Variants in KCNIP1 observed in about 807,000 individuals in gnomAD.
The protein encoded by KCNIP1 is potassium voltage-gated channel interacting protein 1, also known as A-type potassium channel modulatory protein KCNIP1.
Under a neutral mutation model 33.0 loss-of-function variants are expected in KCNIP1, and 18 were observed. The observed-to-expected ratio is 0.55, with a 90% confidence interval of 0.38 to 0.81. The LOEUF (loss-of-function observed/expected upper bound fraction) is 0.81, where lower values mean the gene tolerates loss of function less well. Ranked by LOEUF, KCNIP1 falls within the 30% of genes least tolerant of loss-of-function variation. The pLI is 0.00. For missense variants in KCNIP1, 238 were observed against 271.6 expected (o/e 0.88, Z 0.87); for synonymous variants, 93 against 98.3 (o/e 0.95, Z 0.32).
At chr5:170,434,491 T>C (rs564861826) in intron 1 of KCNIP1, among the ~76,000 whole-genome samples, 1 of 152,194 alleles carries the variant, frequency 6.6e-6, no homozygotes, top group East Asian at 1.9e-4. Context: ...GAGATCAGGA[T>C]AGGGAATTGT....
At chr5:170,455,303 C>T (rs145563563) in intron 1 of KCNIP1, among the ~76,000 whole-genome samples, 27 of 152,168 alleles carry the variant, frequency 1.8e-4, no homozygotes, top group Admixed American at 9.8e-4. Flanking sequence ...TTCCCCTTCC[C>T]CTTCCCCTTC....
chr5:170,730,626 A>G (rs1764161923), intron 5 of KCNIP1, among the ~76,000 whole-genome samples: 1 of 152,224 alleles, frequency 6.6e-6, no homozygotes, highest in South Asian at 2.1e-4. Context: ...ATGGATAGAG[A>G]CATCTATTTC....
intron 1 of KCNIP1, among the ~76,000 whole-genome samples, chr5:170,467,917 C>CAAA (rs55671124): frequency 0.14 from 5,942 of 41,720 alleles, 265 homozygotes; most frequent in East Asian, 0.29. Context: ...GATTCCATCT[C>CAAA]AAAAAAAAAA....
intron 1 of KCNIP1, among the ~76,000 whole-genome samples, chr5:170,394,849 T>C (rs1754717172): frequency 6.6e-6 from 1 of 152,218 alleles, no homozygotes; most frequent in Non-Finnish European, 1.5e-5. Flanking sequence ...ACATGTGATA[T>C]TTGGTTTTCT....
At chr5:170,476,298 A>C (rs1756856212) in intron 1 of KCNIP1, among the ~76,000 whole-genome samples, 1 of 152,180 alleles carries the variant, frequency 6.6e-6, no homozygotes, top group Non-Finnish European at 1.5e-5. Context: ...AGCAGTTCCA[A>C]ATTTTTAGAT....
intron 1 of KCNIP1, among the ~76,000 whole-genome samples, chr5:170,561,390 C>T (rs563210225): frequency 2.6e-5 from 4 of 152,260 alleles, no homozygotes; most frequent in African/African-American, 7.2e-5. Flanking sequence ...TTTAAGAGCA[C>T]TCCGGAGGGG....
intron 1 of KCNIP1, among the ~76,000 whole-genome samples, chr5:170,563,643 TG>T (rs1281527340): frequency 2.6e-5 from 4 of 151,040 alleles, no homozygotes; most frequent in Admixed American, 6.6e-5. Flanking sequence ...TTTTTTTTTT[TG>T]TTTGTTTGTT....
chr5:170,590,375 G>T (rs1758201922), intron 1 of KCNIP1, among the ~76,000 whole-genome samples: 1 of 152,138 alleles, frequency 6.6e-6, no homozygotes, highest in Non-Finnish European at 1.5e-5. Flanking sequence ...TTAAACTGAT[G>T]GCTGGGAGGC....
intron 1 of KCNIP1, among the ~76,000 whole-genome samples, chr5:170,579,457 G>A (rs1008025224): frequency 2.0e-5 from 3 of 152,098 alleles, no homozygotes; most frequent in East Asian, 1.9e-4. Context: ...CAGAAGAATG[G>A]CCCTGCCCCT....
At chr5:170,602,759 C>T (rs535440714) in intron 1 of KCNIP1, among the ~76,000 whole-genome samples, 1 of 152,150 alleles carries the variant, frequency 6.6e-6, no homozygotes, top group Non-Finnish European at 1.5e-5. Context: ...CTGGCCCTGG[C>T]GGATGGGTCT....
chr5:170,724,835 A>T (rs978760461), intron 5 of KCNIP1, among the ~76,000 whole-genome samples: 1 of 152,244 alleles, frequency 6.6e-6, no homozygotes, highest in African/African-American at 2.4e-5. Flanking sequence ...AAATAAACAC[A>T]GAGATAAATC....
chr5:170,599,959 C>A lies in KCNIP1; in HGVS notation c.61+95326C>A, dbSNP rs1561710370. Among the ~76,000 whole-genome samples, 2 of 152,166 alleles carry A rather than the reference C, an allele frequency of 1.3e-5. 1 individual carries two copies. The highest frequency in any genetic ancestry group is 1.3e-4 in the Admixed American group (2 of 15,278). ...AAAGTGGAGCTTCTTAGCTTGGTGC[C>A]CAAGGTCCTCATCAATCCTAAGATG... On this transcript the variant is annotated intron_variant, in intron 1 of 7. Coordinates refer to ENST00000328939, the MANE Select transcript of KCNIP1 (RefSeq NM_014592.4).
At chr5:170,689,721 GA>G (rs1762657268) in intron 1 of KCNIP1, among the ~76,000 whole-genome samples, 1 of 152,166 alleles carries the variant, frequency 6.6e-6, no homozygotes, top group South Asian at 2.1e-4. Context: ...TGAGAGGAGA[GA>G]AAAGCATGTT....
intron 1 of KCNIP1, chr5:170,377,150 C>T (rs1387387387): frequency 2.6e-5 from 4 of 152,330 alleles, no homozygotes; most frequent in African/African-American, 9.6e-5. Context: ...GCCGAATGGT[C>T]ACTCACCTGC....
chr5:170,470,590 C>T (rs148321193), intron 1 of KCNIP1, among the ~76,000 whole-genome samples: 1 of 152,268 alleles, frequency 6.6e-6, no homozygotes, highest in East Asian at 1.9e-4. Flanking sequence ...TGATGGCTTA[C>T]AGGTAAGGGT....
At chr5:170,562,419 A>G (rs1410817222) in intron 1 of KCNIP1, among the ~76,000 whole-genome samples, 1 of 152,196 alleles carries the variant, frequency 6.6e-6, no homozygotes, top group Non-Finnish European at 1.5e-5. Flanking sequence ...CAAGGGCCTC[A>G]TCTGTCTTGT....
intron 1 of KCNIP1, among the ~76,000 whole-genome samples, chr5:170,658,158 G>C (rs988347354): frequency 6.6e-6 from 1 of 152,174 alleles, no homozygotes; most frequent in African/African-American, 2.4e-5. Context: ...GGTGCTACAT[G>C]GTGTCTCAGT....
At chr5:170,452,153 G>C (rs1225394609) in intron 1 of KCNIP1, among the ~76,000 whole-genome samples, 1 of 152,200 alleles carries the variant, frequency 6.6e-6, no homozygotes, top group Non-Finnish European at 1.5e-5. Flanking sequence ...TTCAGGCTTT[G>C]AGTGTGGATT....
chr5:170,629,994 A>G (rs945380267), intron 1 of KCNIP1, among the ~76,000 whole-genome samples: 1 of 152,182 alleles, frequency 6.6e-6, no homozygotes, highest in African/African-American at 2.4e-5. Context: ...AGTTGGCAAC[A>G]TTGCCCATCC....
Sources: gnomAD v4.1 joint callset for allele counts (sites outside exome capture counted in the v4.1 genomes callset) on GRCh38, gnomAD v4.1.1 for gene constraint, MANE v1.5 for transcripts, NCBI Gene and HGNC (gene_info 2026-07-23, HGNC 2026-07-21) for gene names.